Variants in PIK3R4 observed in about 807,000 individuals in gnomAD.
The protein encoded by PIK3R4 is phosphoinositide 3-kinase regulatory subunit 4.
Under a neutral mutation model 136.5 loss-of-function variants are expected in PIK3R4, and 46 were observed. That is an observed-to-expected ratio of 0.34 (90% CI 0.27 to 0.43). PIK3R4 has a LOEUF of 0.43. Ranked by LOEUF, PIK3R4 falls within the 20% of genes least tolerant of loss-of-function variation. The pLI, the probability that PIK3R4 is intolerant of heterozygous loss-of-function variation, is 1.00. For synonymous variants in PIK3R4, 557 were observed against 566.7 expected, an observed-to-expected ratio of 0.98 and a Z score of 0.24; for missense variants, 1,331 against 1,649.5, an observed-to-expected ratio of 0.81 and a Z score of 3.35.
chr3:130,694,244 G>A lies in PIK3R4; in HGVS notation c.3099-3590C>T, dbSNP rs188547572. Among the ~76,000 whole-genome samples, 14 of 151,390 alleles carry A rather than the reference G, an allele frequency of 9.2e-5. No homozygotes were observed. In the East Asian group the frequency reaches 2.1e-3, roughly 23 times the overall value. ...AATTTGGTTCTTTTCTTTCAATATT[G>A]TTTTGGTTATTCTGAGTCTCTTGTA... On this transcript the variant is annotated intron_variant, in intron 13 of 19. Coordinates refer to ENST00000356763, the MANE Select transcript of PIK3R4 (RefSeq NM_014602.3).
At chr3:130,728,378 T>C in intron 6 of PIK3R4, 85 bp downstream of exon 6, 1 of 721,328 alleles carries the variant, frequency 1.4e-6, no homozygotes, top group Non-Finnish European at 2.2e-6. Flanking sequence ...TGAAATTTGG[T>C]AGTATCATCT....
intron 13 of PIK3R4, among the ~76,000 whole-genome samples, chr3:130,701,464 A>C (rs2066574172): frequency 1.3e-5 from 2 of 151,758 alleles, no homozygotes; most frequent in Admixed American, 1.3e-4. Context: ...GTGAGCCAGG[A>C]TCGTGCCACT....
chr3:130,690,469 G>A, intron 14 of PIK3R4, 21 bp downstream of exon 14: 1 of 1,590,740 alleles, frequency 6.3e-7, no homozygotes, highest in Non-Finnish European at 8.6e-7. Context: ...CAATGTTTAA[G>A]AAAGACAAAA....
chr3:130,733,735 A>G lies in PIK3R4; in HGVS notation c.1263T>C (p.Tyr421=), dbSNP rs1328548164. 11 of 1,614,070 alleles carry G rather than the reference A, an allele frequency of 6.8e-6. No individual in the cohort carries two copies. The highest frequency in any genetic ancestry group is 9.3e-6 in the Non-Finnish European group (11 of 1,180,016). The part of the protein sequence containing the change: ...VEILLDRITP[Y]LLHFSNDSVP... The stretch of plus-strand genomic sequence containing the variant: ...CAGAGTCATTGCTGAAATGCAAAAG[A>G]TATGGAGTAATACGATCCAAAAGGA... Residue 421 remains tyrosine (Y), a synonymous_variant, in exon 4 of 20, where the codon TAT becomes TAC. Coordinates refer to ENST00000356763, the MANE Select transcript of PIK3R4 (RefSeq NM_014602.3).
At position 130,744,999 on chromosome 3, in the gene PIK3R4, G is replaced by C; in HGVS notation, c.220C>G (p.Leu74Val). 1.2e-6 allele frequency: 2 copies of C among 1,613,986 alleles called. No homozygotes were observed. The highest frequency in any genetic ancestry group is 4.5e-5 in the East Asian group (2 of 44,866). ...LTSYKQELEE[L>V]KIRLNSAQNC... is the part of the protein sequence containing the mutation. ...TGTGCAGAATTAAGCCTGATTTTCA[G>C]TTCCTCCAGCTCTTGTTTATAGCTG... Residue 74 changes from leucine (L) to valine (V), a missense_variant, in exon 2 of 20, where the codon CTG (leucine) becomes GTG (valine). This residue lies in a region of PIK3R4 where 151 missense variants were observed against 242.5 expected (regional missense o/e 0.62). Coordinates refer to ENST00000356763, the MANE Select transcript of PIK3R4 (RefSeq NM_014602.3).
Position 130,707,086 on chromosome 3 carries a change from G to GCTTTTC in PIK3R4, c.2577_2582dup (p.Lys860_Ser861insArgLys). 3 of 1,608,276 alleles carry GCTTTTC rather than the reference G, an allele frequency of 1.9e-6. No individual in the cohort carries two copies. The highest frequency in any genetic ancestry group is 2.5e-6 in the Non-Finnish European group (3 of 1,177,466). ...TTGGTGGGTCCAGTGACCCAAACAT[G>GCTTTTC]CTTTTCCATTCTTCATTTACATTTG... is the stretch of plus-strand genomic sequence containing the variant. On this transcript the variant is annotated inframe_insertion, in exon 11 of 20. Coordinates refer to ENST00000356763, the MANE Select transcript of PIK3R4 (RefSeq NM_014602.3).
chr3:130,707,170 G>A (rs2066610530), intron 10 of PIK3R4, 35 bp from the exon 11 acceptor site: 2 of 1,494,376 alleles, frequency 1.3e-6, no homozygotes, highest in Non-Finnish European at 1.8e-6. Context: ...TAGTCTGAAG[G>A]TAGCCTTTAA....
intron 13 of PIK3R4, among the ~76,000 whole-genome samples, chr3:130,696,107 T>G (rs1194998430): frequency 6.6e-6 from 1 of 152,170 alleles, no homozygotes; most frequent in African/African-American, 2.4e-5. Context: ...CTTTTTTTAT[T>G]TCTGTCAAGT....
intron 1 of PIK3R4, among the ~76,000 whole-genome samples, 185 bp from the exon 2 acceptor site, chr3:130,745,449 T>C (rs1441419177): frequency 6.6e-6 from 1 of 152,190 alleles, no homozygotes; most frequent in East Asian, 1.9e-4. Flanking sequence ...AAAAAGACCA[T>C]GTTATTTTCT....
chr3:130,699,278 G>C (rs1193005556), intron 13 of PIK3R4, among the ~76,000 whole-genome samples: 1 of 152,180 alleles, frequency 6.6e-6, no homozygotes, highest in Non-Finnish European at 1.5e-5. Flanking sequence ...CTGTGAGTAA[G>C]AGTTTTCTCA....
intron 3 of PIK3R4, among the ~76,000 whole-genome samples, chr3:130,734,877 T>C (rs1330168851): frequency 1.3e-5 from 2 of 152,202 alleles, no homozygotes; most frequent in Non-Finnish European, 2.9e-5. Context: ...ACTTTCTGTT[T>C]ACAGTTTAAA....
chr3:130,695,598 A>G (rs2066541543), intron 13 of PIK3R4, among the ~76,000 whole-genome samples: 1 of 152,160 alleles, frequency 6.6e-6, no homozygotes, highest in Admixed American at 6.5e-5. Context: ...CCCAGTTATG[A>G]GATTGATAAT....
At chr3:130,680,882 C>A in intron 18 of PIK3R4, 95 bp downstream of exon 18, 1 of 772,946 alleles carries the variant, frequency 1.3e-6, no homozygotes, top group East Asian at 2.6e-5. Flanking sequence ...TAACAGCTGT[C>A]CTTATAAGAT....
At chr3:130,694,990 A>G (rs1417955501) in intron 13 of PIK3R4, among the ~76,000 whole-genome samples, 1 of 152,152 alleles carries the variant, frequency 6.6e-6, no homozygotes, top group Non-Finnish European at 1.5e-5. Context: ...TCATAAAATG[A>G]TACTGGACTT....
At chr3:130,711,726 T>C (rs1462227257) in intron 9 of PIK3R4, among the ~76,000 whole-genome samples, 1 of 152,160 alleles carries the variant, frequency 6.6e-6, no homozygotes, top group Non-Finnish European at 1.5e-5. Flanking sequence ...CTTAAAAGGA[T>C]GAAACTGATT....
At chr3:130,714,058 T>A (rs530550775) in intron 9 of PIK3R4, among the ~76,000 whole-genome samples, 20 of 152,324 alleles carry the variant, frequency 1.3e-4, no homozygotes, top group Non-Finnish European at 2.5e-4. Flanking sequence ...AACACTTAGA[T>A]TGAGATGATT....
At chr3:130,709,755 A>G (rs190660058) in intron 9 of PIK3R4, among the ~76,000 whole-genome samples, 4 of 152,192 alleles carry the variant, frequency 2.6e-5, no homozygotes, top group Admixed American at 2.0e-4. Context: ...CATTAAGATC[A>G]GTGAAAGAAG....
At chr3:130,717,202 G>C (rs992823621) in intron 8 of PIK3R4, among the ~76,000 whole-genome samples, 3 of 151,332 alleles carry the variant, frequency 2.0e-5, no homozygotes, top group African/African-American at 7.3e-5. Flanking sequence ...GAACCAAGAG[G>C]ACTTCCTTTA....
At chr3:130,683,266 CATCTT>C (rs78605660) in intron 16 of PIK3R4, among the ~76,000 whole-genome samples, 10,199 of 152,130 alleles carry the variant, frequency 0.067, 418 homozygotes, top group South Asian at 0.1. Flanking sequence ...GGCTATTAGA[CATCTT>C]AAGAGAGATT....
Sources: allele counts gnomAD v4.1 joint callset (sites outside exome capture counted in the v4.1 genomes callset), GRCh38; gene constraint gnomAD v4.1.1; regional missense constraint gnomAD v4.1.1; transcripts MANE v1.5; gene names NCBI Gene and HGNC (gene_info 2026-07-23, HGNC 2026-07-21).